The following CEACAM21 variants were observed in gnomAD, a reference collection of about 807,000 sequenced individuals.
CEACAM21 encodes CEA cell adhesion molecule 21, also known as cell adhesion molecule CEACAM21.
A neutral mutation model predicts 33.2 loss-of-function variants in CEACAM21; 38 were observed. The ratio of observed to expected loss-of-function variants is 1.14; its 90% confidence interval spans 0.88 to 1.50. CEACAM21 has a LOEUF of 1.50. Ranked by LOEUF, CEACAM21 falls within the 40% of genes most tolerant of loss-of-function variation. The pLI is 0.00. For synonymous variants in CEACAM21, 156 were observed against 143.0 expected, an observed-to-expected ratio of 1.09 and a Z score of -0.65; for missense variants, 385 against 364.6, an observed-to-expected ratio of 1.06 and a Z score of -0.46.
chr19:41,583,484 A>G (rs2070467375), intron 3 of CEACAM21, among the ~76,000 whole-genome samples: 1 of 152,190 alleles, frequency 6.6e-6, no homozygotes, highest in South Asian at 2.1e-4. Flanking sequence ...AATTTACTGT[A>G]TTAGTCCATT....
chr19:41,585,702 T>G (rs1280047565), intron 5 of CEACAM21, 138 bp from the exon 6 acceptor site: 13 of 1,061,400 alleles, frequency 1.2e-5, no homozygotes, highest in Non-Finnish European at 1.8e-5. Context: ...CAACCTCACT[T>G]GCTTACTTGA....
At chr19:41,586,351 C>A in intron 6 of CEACAM21, 113 bp from the exon 7 acceptor site, 1 of 607,878 alleles carries the variant, frequency 1.6e-6, no homozygotes, top group Non-Finnish European at 3.1e-6. Context: ...GCAGGAACCC[C>A]CTGAGCACAG....
chr19:41,576,431 GA>G (rs1342238691), intron 1 of CEACAM21, 93 bp downstream of exon 1: 1 of 1,353,304 alleles, frequency 7.4e-7, no homozygotes, highest in African/African-American at 1.5e-5. Flanking sequence ...AGAGGAGACA[GA>G]GGGCTTTTGT....
At chr19:41,580,679 C>T (rs2043310190) in intron 3 of CEACAM21, among the ~76,000 whole-genome samples, 1 of 152,160 alleles carries the variant, frequency 6.6e-6, no homozygotes, top group Admixed American at 6.5e-5. Context: ...CCATGCCCTC[C>T]CCAGATGCAC....
chr19:41,579,399 A>G lies in CEACAM21; in HGVS notation c.471A>G (p.Thr157=). The change falls in exon 3 of 7, where the codon ACA becomes ACG. Residue 157 remains threonine, a synonymous_variant. Coordinates refer to ENST00000401445, the MANE Select transcript of CEACAM21 (RefSeq NM_001098506.4). The part of the protein sequence containing the change: ...PSIQASSTTV[T]EKGSVVLTCH... The stretch of plus-strand genomic sequence containing the variant: ...TCCAAGCCAGCAGCACCACAGTCAC[A>G]GAGAAGGGCTCCGTGGTCCTGACCT... The G allele has an allele frequency of 6.2e-7, 1 of 1,613,752 alleles. No homozygotes were observed. Among genetic ancestry groups the G allele is most frequent in the Non-Finnish European group, 8.5e-7 (1 of 1,179,674 alleles).
At chr19:41,579,258 C>G (rs781830039) in intron 2 of CEACAM21, 95 bp from the exon 3 acceptor site, 2 of 1,603,914 alleles carry the variant, frequency 1.2e-6, no homozygotes, top group Non-Finnish European at 1.7e-6. Context: ...CATCTTTCTC[C>G]TTTATTCACA....
chr19:41,586,604 T>G lies in CEACAM21; in HGVS notation c.*141T>G. The G allele has an allele frequency of 8.6e-6, 5 of 584,066 alleles. No individual in the cohort carries two copies. Among genetic ancestry groups the G allele is most frequent in the South Asian group, 6.9e-5 (5 of 72,786 alleles). The allele number at this position is 584,066 out of a possible 1,614,324, so 36.2% of individuals were successfully genotyped here. A position where few individuals can be genotyped will look rare whatever the true frequency, so the allele number is the denominator to read the frequency against. On this transcript the variant is annotated 3_prime_UTR_variant, in exon 7 of 7. Coordinates refer to ENST00000401445, the MANE Select transcript of CEACAM21 (RefSeq NM_001098506.4). ...CCAGCCCTGGGGATGGGGAAGGACA[T>G]GGAGCCTGAGCCAGAGAACCAGCTC...
intron 2 of CEACAM21, 153 bp from the exon 3 acceptor site, chr19:41,579,200 G>GTGT: frequency 3.9e-6 from 5 of 1,265,988 alleles, no homozygotes; most frequent in Non-Finnish European, 5.5e-6. Context: ...AGTCCCTACT[G>GTGT]CTCGCTGCTA....
At chr19:41,579,678 GA>G in intron 3 of CEACAM21, 50 bp downstream of exon 3, 1 of 1,301,242 alleles carries the variant, frequency 7.7e-7, no homozygotes, top group South Asian at 1.5e-5. Flanking sequence ...ATTTTCCTAG[GA>G]GGGAGGGGGG....
At chr19:41,564,455 A>G (rs1388549847) in intron 1 of CEACAM21, among the ~76,000 whole-genome samples, 3 of 151,784 alleles carry the variant, frequency 2.0e-5, no homozygotes, top group African/African-American at 7.3e-5. Context: ...GTGCGCCTCA[A>G]TCTCCCCACC....
chr19:41,586,599 G>T lies in CEACAM21; in HGVS notation c.*136G>T. The stretch of plus-strand genomic sequence containing the variant: ...AGCCCCCAGCCCTGGGGATGGGGAA[G>T]GACATGGAGCCTGAGCCAGAGAACC... On this transcript the variant is annotated 3_prime_UTR_variant, in exon 7 of 7. Coordinates refer to ENST00000401445, the MANE Select transcript of CEACAM21 (RefSeq NM_001098506.4). 1 of 587,960 alleles carries T rather than the reference G, an allele frequency of 1.7e-6. No homozygotes were observed. The allele number at this position is 587,960 out of a possible 1,614,324, so 36.4% of individuals were successfully genotyped here.
intron 1 of CEACAM21, among the ~76,000 whole-genome samples, chr19:41,561,257 C>T (rs1372500653): frequency 1.3e-5 from 2 of 152,168 alleles, no homozygotes; most frequent in Non-Finnish European, 2.9e-5. Flanking sequence ...TCTGCCTCAG[C>T]CTCCCAGGTA....
upstream of CEACAM21, among the ~76,000 whole-genome samples, chr19:41,575,022 T>G (rs1555790533): frequency 6.6e-6 from 1 of 152,192 alleles, no homozygotes; most frequent in African/African-American, 2.4e-5. Context: ...GGAAAGAAGC[T>G]GTAATATATG....
chr19:41,572,999 C>A (rs377454965), upstream of CEACAM21, among the ~76,000 whole-genome samples: 6 of 152,124 alleles, frequency 3.9e-5, no homozygotes, highest in African/African-American at 1.4e-4. Flanking sequence ...AGACCCCAAC[C>A]CTGGGAGGAG....
At chr19:41,571,882 C>A (rs1464571999), upstream of CEACAM21, among the ~76,000 whole-genome samples, 1 of 152,080 alleles carries the variant, frequency 6.6e-6, no homozygotes, top group Non-Finnish European at 1.5e-5. Flanking sequence ...ACCTTTCAGA[C>A]CCTGGGCAGA....
rs60410378 is a variant in CEACAM21, at chr19:41,564,331, A to ATTATTTATTTATTTAT, written c.-778-329_-778-314dup. 6.7e-3 allele frequency among the ~76,000 whole-genome samples: 995 copies of ATTATTTATTTATTTAT among 148,416 alleles called. 8 individuals carry two copies. Among genetic ancestry groups the ATTATTTATTTATTTAT allele is most frequent in the African/African-American group, 0.023 (895 of 39,704 alleles). On this transcript the variant is annotated intron_variant, in intron 1 of 7. Coordinates refer to the CEACAM21 transcript ENST00000407170. ...ATAAAGACCAAGGAGTGAGTTATTT[A>ATTATTTATTTATTTAT]TTATTTATTTATTTATTTATTTATT...
At chr19:41,555,358 T>C (rs2122161264) in intron 1 of CEACAM21, 1 of 150,724 alleles carries the variant, frequency 6.6e-6, no homozygotes, top group East Asian at 1.9e-4. Context: ...CCTCAAGAGA[T>C]TTAGAAATCT....
At chr19:41,576,466 C>T in intron 1 of CEACAM21, 128 bp downstream of exon 1, 1 of 972,052 alleles carries the variant, frequency 1.0e-6, no homozygotes, top group Non-Finnish European at 1.5e-6. Flanking sequence ...GAGAGAGCGT[C>T]TAAGGAGAAC....
At chr19:41,570,029 C>T (rs992328456) in intron 2 of CEACAM21, among the ~76,000 whole-genome samples, 1 of 152,170 alleles carries the variant, frequency 6.6e-6, no homozygotes, top group Non-Finnish European at 1.5e-5. Flanking sequence ...AGAGCGGGCC[C>T]CACAGCTGTC....
Sources: gnomAD v4.1 joint callset for allele counts (sites outside exome capture counted in the v4.1 genomes callset) on GRCh38, gnomAD v4.1.1 for gene constraint, MANE v1.5 for transcripts, NCBI Gene and HGNC (gene_info 2026-07-23, HGNC 2026-07-21) for gene names.